The following LACC1 variants were observed in gnomAD, a reference collection of about 807,000 sequenced individuals.
LACC1 encodes purine nucleoside phosphorylase LACC1.
LACC1 carries 25 observed loss-of-function variants against 34.8 expected under a neutral mutation model. The observed-to-expected ratio is 0.72, with a 90% CI of 0.52 to 1.00. The LOEUF (loss-of-function observed/expected upper bound fraction) is 1.00, where lower values mean the gene tolerates loss of function less well. Ranked by LOEUF, LACC1 falls within the 50% of genes least tolerant of loss-of-function variation. LACC1 has a pLI of 0.00. For missense variants in LACC1, 426 were observed against 511.2 expected (o/e 0.83, Z 1.61); for synonymous variants, 162 against 168.0 (o/e 0.96, Z 0.28).
intron 2 of LACC1, among the ~76,000 whole-genome samples, chr13:43,881,857 A>C (rs1354638084): frequency 6.6e-6 from 1 of 152,244 alleles, no homozygotes; most frequent in Non-Finnish European, 1.5e-5. Context: ...GAAATTCTGA[A>C]ATTTCAAATC....
chr13:43,893,064 G>C lies in LACC1; in HGVS notation c.*1617G>C, dbSNP rs9567303. On this transcript the variant is annotated 3_prime_UTR_variant, in exon 7 of 7. Transcript: ENST00000325686. ...GAGTGTGTTTGTCAGTTAAAGAGAG[G>C]AATTAGGTTAGTTTTCATTTGGGAA... 0.018 allele frequency: 2,800 copies of C among 152,242 alleles called. 61 individuals are homozygous for C. The highest frequency in any genetic ancestry group is 0.074 in the East Asian group (393 of 5,316). 9.4% of individuals were successfully genotyped at this position (152,242 alleles called of 1,614,324 possible). A position where few individuals can be genotyped will look rare whatever the true frequency, so the allele number is the denominator to read the frequency against.
Position 43,882,196 on chromosome 13 carries a change from C to T in LACC1, c.574C>T (p.His192Tyr). 1 of 1,598,030 alleles carries T rather than the reference C, an allele frequency of 6.3e-7. No homozygotes were observed. Among genetic ancestry groups the T allele is most frequent in the African/African-American group, 1.3e-5 (1 of 74,304 alleles). The change falls in exon 3 of 7, where the codon CAT becomes TAT. Residue 192 changes from histidine to tyrosine, a missense_variant. Transcript: ENST00000325686. Reference sequence around the variant, plus strand: ...CTTATCTTCAACAGATATTTTCATACATGGATTTACTACAAGAACAGGTGG... The same window carrying T: ...CTTATCTTCAACAGATATTTTCATATATGGATTTACTACAAGAACAGGTGG... ...TSSLIPDIFIHGFTTRTGGIS... is the reference protein window; with the variant it reads ...TSSLIPDIFIYGFTTRTGGIS...
Position 43,890,139 on chromosome 13 carries a change from C to G in LACC1, c.1159C>G (p.Leu387Val), listed in dbSNP as rs772713190. The change falls in exon 6 of 7, where the codon CTT becomes GTT. Residue 387 changes from leucine (L) to valine (V), a missense_variant. This residue lies in a region of LACC1 where 209 missense variants were observed against 300.3 expected (regional missense o/e 0.70). Coordinates refer to ENST00000325686, the MANE Select transcript of LACC1 (RefSeq NM_153218.4). ...GATTCTTCTAGAACAGGGAGGAATT[C>G]TTCCACAGAATATTCAGGACCAGAA... ...TRILLEQGGILPQNIQDQNQD... is the reference protein window; with the variant it reads ...TRILLEQGGIVPQNIQDQNQD... The G allele has an allele frequency of 6.2e-7, 1 of 1,612,492 alleles. No individual in the cohort carries two copies. The highest frequency in any genetic ancestry group is 1.3e-5 in the African/African-American group (1 of 74,956).
chr13:43,890,122 TAG>T lies in LACC1; in HGVS notation c.1144_1145del (p.Glu382ThrfsTer25). 2 of 1,610,996 alleles carry T rather than the reference TAG, an allele frequency of 1.2e-6. No individual in the cohort carries two copies. Among genetic ancestry groups the T allele is most frequent in the Non-Finnish European group, 1.7e-6 (2 of 1,178,814 alleles). On this transcript the variant is annotated frameshift_variant, in exon 6 of 7. Coordinates refer to ENST00000325686, the MANE Select transcript of LACC1 (RefSeq NM_153218.4). LOFTEE classifies it high-confidence loss of function. ...AAAATATTTTTCCTAAGGATTCTTC[TAG>T]AACAGGGAGGAATTCTTCCACAGAA...
intron 4 of LACC1, among the ~76,000 whole-genome samples, chr13:43,886,200 T>C (rs1955312592): frequency 6.6e-6 from 1 of 152,218 alleles, no homozygotes. Flanking sequence ...AGTTTGTATA[T>C]TTCTCAAAGA....
Position 43,888,952 on chromosome 13 carries a change from A to G in LACC1, c.1103A>G (p.Asn368Ser). Residue 368 changes from asparagine to serine, a missense_variant, in exon 5 of 7, where the codon AAT (asparagine) becomes AGT (serine). Physicochemically the swap from Asn to Ser is conservative, Grantham distance 46. Around this residue, in one of 2 missense-constraint regions of LACC1, gnomAD observed 209 missense variants for 300.3 expected, o/e 0.70. Transcript: ENST00000325686. ...PACVQLFDSPNPCIDIRKATR... is the reference protein window; with the variant it reads ...PACVQLFDSPSPCIDIRKATR... ...TGTGTACAACTATTTGATTCACCAA[A>G]TCCCTGTATCGACATCCGTAAAGCC... 1 of 1,613,718 alleles carries G rather than the reference A, an allele frequency of 6.2e-7. No individual in the cohort carries two copies. The highest frequency in any genetic ancestry group is 1.1e-5 in the South Asian group (1 of 91,066).
At chr13:43,883,117 G>A (rs1955153986) in intron 3 of LACC1, among the ~76,000 whole-genome samples, 1 of 152,086 alleles carries the variant, frequency 6.6e-6, no homozygotes, top group Admixed American at 6.6e-5. Flanking sequence ...TGACCGGGTG[G>A]GTAATCAATT....
At position 43,891,712 on chromosome 13, in the gene LACC1, C is replaced by CTGTGTA; in HGVS notation, c.*265_*266insTGTGTA. 3.8e-6 allele frequency: 1 copy of CTGTGTA among 265,864 alleles called. No homozygotes were observed. The highest frequency in any genetic ancestry group is 5.8e-6 in the Non-Finnish European group (1 of 172,040). The allele number at this position is 265,864 out of a possible 1,614,324, so 16.5% of individuals were successfully genotyped here. A position where few individuals can be genotyped will look rare whatever the true frequency, so the allele number is the denominator to read the frequency against. On this transcript the variant is annotated 3_prime_UTR_variant, in exon 7 of 7. Coordinates refer to ENST00000325686, the MANE Select transcript of LACC1 (RefSeq NM_153218.4). ...TGTTCTCCCTGTTTATTACACAGAT[C>CTGTGTA]AGGAATAGATTTGTTCAGTTCAGTA...
chr13:43,891,582 C>G lies in LACC1; in HGVS notation c.*135C>G. The G allele has an allele frequency of 2.2e-6, 2 of 890,148 alleles. No individual in the cohort carries two copies. Among genetic ancestry groups the G allele is most frequent in the Non-Finnish European group, 2.7e-6 (2 of 743,290 alleles). 55.1% of individuals were successfully genotyped at this position (890,148 alleles called of 1,614,324 possible). ...AATTCATCTTTTGGGTATATTTTTA[C>G]TATTATTCAAAGCCAAATGATTTTC... On this transcript the variant is annotated 3_prime_UTR_variant, in exon 7 of 7. Transcript: ENST00000325686.
chr13:43,884,426 A>G (rs975351924), intron 4 of LACC1, among the ~76,000 whole-genome samples: 1 of 152,184 alleles, frequency 6.6e-6, no homozygotes, highest in African/African-American at 2.4e-5. Flanking sequence ...AATCCAGGCC[A>G]TAGGAAATAG....
Position 43,891,665 on chromosome 13 carries a change from C to A in LACC1, c.*218C>A. 1 of 516,308 alleles carries A rather than the reference C, an allele frequency of 1.9e-6. No homozygotes were observed. Among genetic ancestry groups the A allele is most frequent in the Non-Finnish European group, 2.5e-6 (1 of 401,436 alleles). The allele number at this position is 516,308 out of a possible 1,614,324, so 32.0% of individuals were successfully genotyped here. A position where few individuals can be genotyped will look rare whatever the true frequency, so the allele number is the denominator to read the frequency against. ...TATGTTGTAGCTAATATGTTTTATGCATGAGAATTATTCTTAAAGTTTGTT... is the reference window on the plus strand; with the variant it reads ...TATGTTGTAGCTAATATGTTTTATGAATGAGAATTATTCTTAAAGTTTGTT... On this transcript the variant is annotated 3_prime_UTR_variant, in exon 7 of 7. Coordinates refer to ENST00000325686, the MANE Select transcript of LACC1 (RefSeq NM_153218.4).
chr13:43,882,377 TTA>T lies in LACC1; in HGVS notation c.741+18_741+19del. The T allele has an allele frequency of 6.3e-7, 1 of 1,595,956 alleles. No individual in the cohort carries two copies. Among genetic ancestry groups the T allele is most frequent in the Admixed American group, 1.8e-5 (1 of 56,684 alleles). ...TACCGAATAAAGGTAAAATTTTGCTTTATATTTTGAAAGATCTAAAGTATATT... is the reference window on the plus strand; with the variant it reads ...TACCGAATAAAGGTAAAATTTTGCTTTATTTTGAAAGATCTAAAGTATATT... On this transcript the variant is annotated intron_variant, in intron 3 of 6. Transcript: ENST00000325686.
upstream of LACC1, chr13:43,879,780 A>AGGCGGGGCGGGGCGG (rs1566960840): frequency 1.1e-5 from 1 of 90,960 alleles, no homozygotes; most frequent in African/African-American, 3.7e-5. Context: ...GGGCGAGGTG[A>AGGCGGGGCGGGGCGG]GGCGGGGCGA....
upstream of LACC1, chr13:43,879,750 C>CGGGGCGAGGTGGGCGAGG (rs1954838546): frequency 7.5e-6 from 1 of 133,338 alleles, no homozygotes; most frequent in African/African-American, 2.8e-5. Flanking sequence ...TGAGGTGAGG[C>CGGGGCGAGGTGGGCGAGG]GGGGCGAGGT....
intron 4 of LACC1, among the ~76,000 whole-genome samples, chr13:43,885,879 A>C (rs1241856186): frequency 6.6e-6 from 1 of 152,226 alleles, no homozygotes; most frequent in African/African-American, 2.4e-5. Context: ...TCTAACACCG[A>C]GACTCTATAA....
At chr13:43,882,878 T>C (rs1259023211) in intron 3 of LACC1, among the ~76,000 whole-genome samples, 1 of 152,036 alleles carries the variant, frequency 6.6e-6, no homozygotes, top group Admixed American at 6.5e-5. Context: ...GGGCTTTAGG[T>C]AGCTGGAGTC....
In LACC1 at chr13:43,881,423, C is replaced by A. The variant is rs748587890; in HGVS notation, c.438C>A (p.Ser146=). The change falls in exon 2 of 7, where the codon TCC becomes TCA. Residue 146 remains serine, a synonymous_variant. Coordinates refer to ENST00000325686, the MANE Select transcript of LACC1 (RefSeq NM_153218.4). The part of the protein sequence containing the change: ...VTFRGGLFKQ[S]IEINVITAQE... The stretch of plus-strand genomic sequence containing the variant: ...TTAGGGGAGGGCTTTTTAAACAGTC[C>A]ATTGAAATAAACGTAATCACAGCTC... The A allele has an allele frequency of 1.2e-6, 2 of 1,613,924 alleles. No individual in the cohort carries two copies. The highest frequency in any genetic ancestry group is 3.3e-5 in the Admixed American group (2 of 60,016).
intron 4 of LACC1, among the ~76,000 whole-genome samples, chr13:43,886,949 G>A (rs564435133): frequency 6.6e-6 from 1 of 151,956 alleles, no homozygotes; most frequent in Admixed American, 6.6e-5. Flanking sequence ...CAAGTGAGAG[G>A]ATAACTAAGG....
rs1954991806 is a variant in LACC1, at chr13:43,880,959, A to G, written c.-27A>G. On this transcript the variant is annotated 5_prime_UTR_variant, in exon 2 of 7. Transcript: ENST00000325686. ...ACTAATTTTTATTTGCAGGTGATTT[A>G]TTTGGCATAAAAGTATTCTTTCAAG... The G allele has an allele frequency of 6.4e-7, 1 of 1,554,274 alleles. No individual in the cohort carries two copies. The highest frequency in any genetic ancestry group is 1.4e-5 in the African/African-American group (1 of 72,444).
Sources: allele counts gnomAD v4.1 joint callset (sites outside exome capture counted in the v4.1 genomes callset), GRCh38; gene constraint gnomAD v4.1.1; regional missense constraint gnomAD v4.1.1; transcripts MANE v1.5; gene names NCBI Gene and HGNC (gene_info 2026-07-23, HGNC 2026-07-21).